Variants in DHRS7B observed in about 807,000 individuals in gnomAD.
DHRS7B encodes dehydrogenase/reductase 7B.
DHRS7B carries 24 observed loss-of-function variants against 26.4 expected under a neutral mutation model. That is an observed-to-expected ratio of 0.91 (90% CI 0.66 to 1.28). The LOEUF is 1.28. Ranked by LOEUF, DHRS7B falls within the 50% of genes most tolerant of loss-of-function variation. The pLI, the probability that DHRS7B is intolerant of heterozygous loss-of-function variation, is 0.00. For missense variants in DHRS7B, 368 were observed against 419.4 expected, an observed-to-expected ratio of 0.88 and a Z score of 1.07; for synonymous variants, 142 against 166.4, an observed-to-expected ratio of 0.85 and a Z score of 1.13.
rs193055904 is a variant in DHRS7B, at chr17:21,143,169, C to T, written c.20+16178C>T. Among the ~76,000 whole-genome samples the T allele has an allele frequency of 3.7e-3, 556 of 152,254 alleles. 6 individuals are homozygous for T. Among genetic ancestry groups the T allele is most frequent in the African/African-American group, 0.012 (519 of 41,540 alleles). ...GTCTCGAACTCGACCTCAGGTGATCCGCCCACCTCGGCTTCCCAAAGTGCT... is the reference window on the plus strand; with the variant it reads ...GTCTCGAACTCGACCTCAGGTGATCTGCCCACCTCGGCTTCCCAAAGTGCT... On this transcript the variant is annotated intron_variant, in intron 1 of 6. Coordinates refer to ENST00000395511, the MANE Select transcript of DHRS7B (RefSeq NM_015510.5).
At position 21,172,156 on chromosome 17, in the gene DHRS7B, T is replaced by TA; in HGVS notation, c.159_160insA (p.Val54SerfsTer25). The TA allele has an allele frequency of 6.2e-7, 1 of 1,613,840 alleles. No homozygotes were observed. Among genetic ancestry groups the TA allele is most frequent in the Admixed American group, 1.7e-5 (1 of 60,000 alleles). On this transcript the variant is annotated frameshift_variant, in exon 2 of 7. Transcript: ENST00000395511. LOFTEE classifies it high-confidence loss of function. ...GCGGGAAGGCCTACCTGCGGAATGCTGTGGTGGTGATCACAGGCGCCACCT... is the reference window on the plus strand; with the variant it reads ...GCGGGAAGGCCTACCTGCGGAATGCTAGTGGTGGTGATCACAGGCGCCACCT...
At chr17:21,154,739 T>A (rs1283696838) in intron 1 of DHRS7B, among the ~76,000 whole-genome samples, 1 of 152,222 alleles carries the variant, frequency 6.6e-6, no homozygotes, top group Non-Finnish European at 1.5e-5. Context: ...TATATACCAA[T>A]ACATTATGTA....
At chr17:21,127,112 C>T (rs1038091442) in intron 1 of DHRS7B, 121 bp downstream of exon 1, 49 of 1,114,716 alleles carry the variant, frequency 4.4e-5, no homozygotes, top group Non-Finnish European at 5.7e-5. Flanking sequence ...GCCGCGGGCC[C>T]TGGGCGGCTT....
chr17:21,169,210 A>G (rs1341509655), intron 1 of DHRS7B, among the ~76,000 whole-genome samples: 2 of 152,228 alleles, frequency 1.3e-5, no homozygotes, highest in African/African-American at 4.8e-5. Flanking sequence ...TGAAAGGTTT[A>G]TGAAAATATA....
At chr17:21,150,112 A>AG (rs1417187005) in intron 1 of DHRS7B, among the ~76,000 whole-genome samples, 1 of 133,056 alleles carries the variant, frequency 7.5e-6, no homozygotes, top group Non-Finnish European at 1.7e-5. Flanking sequence ...ATTTAAAAAA[A>AG]AAAAAAAAAA....
At chr17:21,138,075 A>AAAAAAAATATATATATAT (rs1238830544) in intron 1 of DHRS7B, among the ~76,000 whole-genome samples, 1 of 33,226 alleles carries the variant, frequency 3.0e-5, no homozygotes, top group African/African-American at 1.4e-4. Flanking sequence ...TTAAAAAAAA[A>AAAAAAAATATATATATAT]ATATATATAT....
At chr17:21,127,823 TTA>T (rs2143825589) in intron 1 of DHRS7B, 1 of 152,312 alleles carries the variant, frequency 6.6e-6, no homozygotes, top group Non-Finnish European at 1.5e-5. Context: ...ACTCATACAT[TTA>T]GTAAGCAGAA....
At chr17:21,169,226 T>C (rs1285475710) in intron 1 of DHRS7B, among the ~76,000 whole-genome samples, 1 of 152,214 alleles carries the variant, frequency 6.6e-6, no homozygotes, top group African/African-American at 2.4e-5. Context: ...ATATAGAAGT[T>C]AAACAACATT....
chr17:21,177,783 A>G (rs1329382449), intron 2 of DHRS7B, among the ~76,000 whole-genome samples: 2 of 152,200 alleles, frequency 1.3e-5, no homozygotes, highest in Admixed American at 6.5e-5. Flanking sequence ...GCTTTTCTAC[A>G]GGACTGTGTG....
At chr17:21,154,348 A>T (rs1361677950) in intron 1 of DHRS7B, among the ~76,000 whole-genome samples, 1 of 152,138 alleles carries the variant, frequency 6.6e-6, no homozygotes, top group East Asian at 1.9e-4. Flanking sequence ...CTCAGAAATT[A>T]TGCAAATGAG....
At chr17:21,169,460 C>T (rs1974187687) in intron 1 of DHRS7B, among the ~76,000 whole-genome samples, 1 of 152,174 alleles carries the variant, frequency 6.6e-6, no homozygotes. Context: ...GGGAGGTCCT[C>T]TCACAACTTC....
intron 3 of DHRS7B, among the ~76,000 whole-genome samples, chr17:21,180,203 T>C (rs183512481): frequency 6.6e-6 from 1 of 151,430 alleles, no homozygotes; most frequent in Non-Finnish European, 1.5e-5. Flanking sequence ...GCCTCCCAAA[T>C]ATCTGGGACT....
intron 1 of DHRS7B, 147 bp downstream of exon 1, chr17:21,127,138 G>A (rs1973117281): frequency 6.3e-6 from 5 of 796,140 alleles, no homozygotes; most frequent in Non-Finnish European, 7.4e-6. Context: ...TCCCCGCGAC[G>A]CCGAACTCTG....
chr17:21,181,889 C>T (rs1470830228), intron 3 of DHRS7B, among the ~76,000 whole-genome samples: 4 of 141,936 alleles, frequency 2.8e-5, no homozygotes, highest in African/African-American at 1.0e-4. Context: ...CATCTGCAAA[C>T]AGAGGTAGTT....
At position 21,138,097 on chromosome 17, in the gene DHRS7B, T is replaced by TACACACACACAC. The variant is rs1342290821; in HGVS notation, c.20+11107_20+11108insCACACACACACA. 9.4e-3 allele frequency among the ~76,000 whole-genome samples: 824 copies of TACACACACACAC among 87,482 alleles called. 8 individuals carry two copies. The highest frequency in any genetic ancestry group is 0.021 in the Middle Eastern group (3 of 140). 57.4% of individuals were successfully genotyped at this position (87,482 alleles called of 152,430 possible). On this transcript the variant is annotated intron_variant, in intron 1 of 6. Transcript: ENST00000395511. ...AAAAATATATATATATATATATATA[T>TACACACACACAC]ATATACACACACACACACACACACA...
At chr17:21,175,484 G>A (rs1276844457) in intron 2 of DHRS7B, among the ~76,000 whole-genome samples, 3 of 152,224 alleles carry the variant, frequency 2.0e-5, no homozygotes, top group South Asian at 2.1e-4. Flanking sequence ...GAGCTAGGGT[G>A]CCACCTAATC....
intron 1 of DHRS7B, among the ~76,000 whole-genome samples, chr17:21,156,192 TAAATA>T (rs765103874): frequency 5.9e-5 from 9 of 152,036 alleles, no homozygotes; most frequent in Non-Finnish European, 1.3e-4. Context: ...GAAAAGATAA[TAAATA>T]AAATCAATAA....
intron 3 of DHRS7B, among the ~76,000 whole-genome samples, chr17:21,181,404 A>T (rs953284475): frequency 6.6e-6 from 1 of 152,220 alleles, no homozygotes; most frequent in Admixed American, 6.5e-5. Context: ...TAATTTTTAA[A>T]GAAATCTAGT....
intron 1 of DHRS7B, among the ~76,000 whole-genome samples, chr17:21,149,777 G>GT (rs755453453): frequency 3.0e-4 from 46 of 152,086 alleles, no homozygotes; most frequent in Non-Finnish European, 5.4e-4. Context: ...CTTGTAATAG[G>GT]TTTACTAAAA....
Sources: gnomAD v4.1 joint callset for allele counts (sites outside exome capture counted in the v4.1 genomes callset) on GRCh38, gnomAD v4.1.1 for gene constraint, MANE v1.5 for transcripts, NCBI Gene and HGNC (gene_info 2026-07-23, HGNC 2026-07-21) for gene names.